Variants in DNAJC10 observed in about 807,000 individuals in gnomAD.
The protein encoded by DNAJC10 is DnaJ heat shock protein family (Hsp40) member C10.
Under a neutral mutation model 115.0 loss-of-function variants are expected in DNAJC10, and 101 were observed. That is an observed-to-expected ratio of 0.88 (90% CI 0.75 to 1.04). DNAJC10 has a LOEUF of 1.04. Ranked by LOEUF, DNAJC10 falls within the 50% of genes least tolerant of loss-of-function variation. The pLI, the probability that DNAJC10 is intolerant of heterozygous loss-of-function variation, is 0.00. For missense variants in DNAJC10, 981 were observed against 928.8 expected, an observed-to-expected ratio of 1.06 and a Z score of -0.73; for synonymous variants, 307 against 301.5, an observed-to-expected ratio of 1.02 and a Z score of -0.19.
At position 182,792,865 on chromosome 2, in the gene DNAJC10, A is replaced by G. The variant is rs948406686; in HGVS notation, c.*15733A>G. ...GCATTTAAGATAGTGTATTAAATGT[A>G]TTGACCTCATGAAGATTCTATTCTC... On this transcript the variant is annotated 3_prime_UTR_variant, in exon 24 of 24. Transcript: ENST00000264065. 6.6e-6 allele frequency: 1 copy of G among 152,226 alleles called. No individual in the cohort carries two copies. Among genetic ancestry groups the G allele is most frequent in the Admixed American group, 6.5e-5 (1 of 15,274 alleles). 9.4% of individuals were successfully genotyped at this position (152,226 alleles called of 1,614,324 possible).
chr2:182,776,360 G>A (rs1457695661), intron 23 of DNAJC10, among the ~76,000 whole-genome samples: 1 of 152,104 alleles, frequency 6.6e-6, no homozygotes, highest in African/African-American at 2.4e-5. Context: ...CCTTTTTCCT[G>A]TTACTCTTCA....
At chr2:182,717,108 T>C (rs1693013924) in intron 2 of DNAJC10, 36 bp downstream of exon 2, 1 of 152,218 alleles carries the variant, frequency 6.6e-6, no homozygotes, top group Non-Finnish European at 1.5e-5. Context: ...CATTTAGGAT[T>C]AAATGAAAAA....
chr2:182,757,694 A>G lies in DNAJC10; in HGVS notation c.1812A>G (p.Thr604=), dbSNP rs749170168. 3 of 1,522,718 alleles carry G rather than the reference A, an allele frequency of 2.0e-6. No individual in the cohort carries two copies. Among genetic ancestry groups the G allele is most frequent in the Admixed American group, 4.6e-5 (2 of 43,514 alleles). The allele number at this position is 1,522,718 out of a possible 1,614,324, so 94.3% of individuals were successfully genotyped here. A position where few individuals can be genotyped will look rare whatever the true frequency, so the allele number is the denominator to read the frequency against. Residue 604 remains threonine, a splice_region_variant and synonymous_variant, in exon 19 of 24, where the codon ACA becomes ACG. Transcript: ENST00000264065. ...GTAATCTGTTTTTTCTTTTACAGAC[A>G]TTAACTGGACTGATCAACGTGGGCA... is the stretch of plus-strand genomic sequence containing the variant. ...LMPEWKRMAR[T]LTGLINVGSI...
chr2:182,747,639 T>C (rs965807972), intron 14 of DNAJC10, among the ~76,000 whole-genome samples: 3 of 151,992 alleles, frequency 2.0e-5, no homozygotes, highest in African/African-American at 7.3e-5. Context: ...GCTGAGACAA[T>C]GTGGTTTTCT....
Position 182,762,821 on chromosome 2 carries a change from T to A in DNAJC10, c.2265+20T>A, listed in dbSNP as rs571676495. ...GCAAAGGTATGTCCAGACTTTCCTCTGTTCCTTCCCTTAGTAGGCCAAGCT... is the reference window on the plus strand; with the variant it reads ...GCAAAGGTATGTCCAGACTTTCCTCAGTTCCTTCCCTTAGTAGGCCAAGCT... On this transcript the variant is annotated intron_variant, in intron 22 of 23. Coordinates refer to ENST00000264065, the MANE Select transcript of DNAJC10 (RefSeq NM_018981.4). The A allele has an allele frequency of 2.6e-5, 42 of 1,607,864 alleles. No homozygotes were observed. The highest frequency in any genetic ancestry group is 1.7e-4 in the Middle Eastern group (1 of 6,004).
intron 10 of DNAJC10, 41 bp downstream of exon 10, chr2:182,732,583 A>T (rs1559002398): frequency 1.3e-6 from 2 of 1,584,086 alleles, no homozygotes; most frequent in Admixed American, 3.4e-5. Context: ...CACCATGTAA[A>T]GAAACACATT....
chr2:182,774,333 C>T (rs1415686670), intron 22 of DNAJC10, among the ~76,000 whole-genome samples: 2 of 152,142 alleles, frequency 1.3e-5, no homozygotes, highest in Admixed American at 1.3e-4. Context: ...GCAGTCTGTC[C>T]CTTCTCAGAG....
chr2:182,747,447 A>T (rs1693897505), intron 14 of DNAJC10, among the ~76,000 whole-genome samples: 1 of 128,968 alleles, frequency 7.8e-6, no homozygotes, highest in African/African-American at 3.1e-5. Flanking sequence ...GGTCCTTCAC[A>T]TCCCTTGTAA....
Position 182,729,859 on chromosome 2 carries a change from A to G in DNAJC10, c.645A>G (p.Lys215=), listed in dbSNP as rs1187119224. The part of the protein sequence containing the change: ...FIFRSGMAPV[K]YHGDRSKESL... ...ACAAAAACCAATAGGCCCCAGTGAA[A>G]TATCATGGAGACAGATCAAAGGAGA... The change falls in exon 8 of 24, where the codon AAA becomes AAG. Residue 215 remains lysine, a synonymous_variant. Coordinates refer to ENST00000264065, the MANE Select transcript of DNAJC10 (RefSeq NM_018981.4). The G allele has an allele frequency of 1.9e-6, 3 of 1,594,332 alleles. No homozygotes were observed. Among genetic ancestry groups the G allele is most frequent in the Non-Finnish European group, 2.6e-6 (3 of 1,172,656 alleles).
chr2:182,739,234 T>TTA (rs962208780), intron 11 of DNAJC10, among the ~76,000 whole-genome samples: 11,451 of 145,134 alleles, frequency 0.079, 732 homozygotes, highest in African/African-American at 0.18. Flanking sequence ...TCATATATAT[T>TTA]TATATATATA....
chr2:182,754,966 C>A (rs1424577999), intron 16 of DNAJC10, 37 bp from the exon 17 acceptor site: 1 of 1,434,980 alleles, frequency 7.0e-7, no homozygotes, highest in Admixed American at 1.7e-5. Flanking sequence ...TAGGTGAAAT[C>A]TATAAAATCT....
rs1694874041 is a variant in DNAJC10, at chr2:182,782,604, G to A, written c.*5472G>A. On this transcript the variant is annotated 3_prime_UTR_variant, in exon 24 of 24. Transcript: ENST00000264065. ...GTCCTCTCTCATTTCCTTGAGCAGT[G>A]GTTTGTAGTTCTTGAAGAGGTCCTT... The A allele has an allele frequency of 1.3e-5, 2 of 152,088 alleles. No homozygotes were observed. Among genetic ancestry groups the A allele is most frequent in the Admixed American group, 1.3e-4 (2 of 15,266 alleles). 9.4% of individuals were successfully genotyped at this position (152,088 alleles called of 1,614,324 possible).
chr2:182,737,958 G>T (rs1216952010), intron 11 of DNAJC10, among the ~76,000 whole-genome samples: 1 of 152,184 alleles, frequency 6.6e-6, no homozygotes, highest in East Asian at 1.9e-4. Context: ...AAATGGGATT[G>T]CATAGTAGAT....
intron 20 of DNAJC10, 36 bp downstream of exon 20, chr2:182,758,926 G>T (rs1351947254): frequency 6.8e-7 from 1 of 1,471,232 alleles, no homozygotes; most frequent in Non-Finnish European, 9.5e-7. Context: ...GTATAAAATA[G>T]ATTCAAAGCC....
Position 182,720,025 on chromosome 2 carries a change from G to C in DNAJC10, c.223G>C (p.Gly75Arg), listed in dbSNP as rs1448237184. 18 of 1,559,456 alleles carry C rather than the reference G, an allele frequency of 1.2e-5. No individual in the cohort carries two copies. The highest frequency in any genetic ancestry group is 1.3e-5 in the Non-Finnish European group (15 of 1,138,836). ...TTAACAGAATAACCCAAATGCACAT[G>C]GCGATTTTTTAAAAATAAATAGAGC... The part of the protein sequence containing the change: ...DKNPNNPNAH[G>R]DFLKINRAYE... The change falls in exon 4 of 24, where the codon GGC becomes CGC. Residue 75 changes from glycine to arginine, a missense_variant. By Grantham distance (125) the Gly-to-Arg change is moderately radical (BLOSUM62 -2). Transcript: ENST00000264065.
chr2:182,767,665 C>T (rs1164434186), intron 22 of DNAJC10, among the ~76,000 whole-genome samples: 2 of 151,648 alleles, frequency 1.3e-5, no homozygotes, highest in Admixed American at 6.6e-5. Context: ...TGAGCAGGGC[C>T]GGTGAGGGGG....
At chr2:182,727,078 G>A (rs1419799364) in intron 5 of DNAJC10, among the ~76,000 whole-genome samples, 2 of 149,698 alleles carry the variant, frequency 1.3e-5, no homozygotes, top group Non-Finnish European at 3.0e-5. Context: ...TAGACATAAT[G>A]CTATTACATA....
chr2:182,773,158 C>T (rs1228498310), intron 22 of DNAJC10, among the ~76,000 whole-genome samples: 2 of 152,106 alleles, frequency 1.3e-5, no homozygotes, highest in Non-Finnish European at 2.9e-5. Context: ...TGAATATTGG[C>T]CCCCACTATC....
chr2:182,748,918 G>T (rs944212364), intron 14 of DNAJC10, among the ~76,000 whole-genome samples: 20 of 151,842 alleles, frequency 1.3e-4, no homozygotes, highest in African/African-American at 3.9e-4. Flanking sequence ...TATGTACCCA[G>T]TAGTCATTCA....
Sources: allele counts gnomAD v4.1 joint callset (sites outside exome capture counted in the v4.1 genomes callset), GRCh38; gene constraint gnomAD v4.1.1; transcripts MANE v1.5; gene names NCBI Gene and HGNC (gene_info 2026-07-23, HGNC 2026-07-21).